MEI1: variants seen among roughly 807,000 people sequenced by gnomAD.
MEI1 encodes meiotic double-stranded break formation protein 1, also known as meiosis inhibitor protein 1.
A neutral mutation model predicts 146.2 loss-of-function variants in MEI1; 103 were observed. The observed-to-expected ratio is 0.70, with a 90% CI of 0.60 to 0.83. The LOEUF (loss-of-function observed/expected upper bound fraction) is 0.83. Among genes scored for constraint, MEI1 ranks in the 40% least tolerant of loss-of-function variants. The probability of loss-of-function intolerance (pLI) is 0.00; values close to 1 mark genes in which losing one functional copy is unlikely to be tolerated. For synonymous variants in MEI1, 652 were observed against 628.2 expected (o/e 1.04, Z -0.57); for missense variants, 1,529 against 1,533.0 (o/e 1.00, Z 0.04).
intron 3 of MEI1, among the ~76,000 whole-genome samples, chr22:41,708,678 A>G (rs1010490196): frequency 6.6e-6 from 1 of 152,222 alleles, no homozygotes; most frequent in Admixed American, 6.5e-5. Context: ...GCCGACCCTG[A>G]CTTTCAGGAA....
intron 26 of MEI1, among the ~76,000 whole-genome samples, chr22:41,793,547 A>G (rs139558): frequency 0.74 from 112,013 of 151,756 alleles, 41,856 homozygotes; most frequent in African/African-American, 0.84. Context: ...GGTGATCCAG[A>G]CGCTTTGGCC....
chr22:41,795,804 C>T lies in MEI1; in HGVS notation c.3736C>T (p.Pro1246Ser). Residue 1246 changes from proline (P) to serine (S), a missense_variant, in exon 30 of 31, where the codon CCC becomes TCC. This residue lies in a region of MEI1 where 313 missense variants were observed against 337.3 expected (regional missense o/e 0.93). Coordinates refer to ENST00000401548, the MANE Select transcript of MEI1 (RefSeq NM_152513.4). The surrounding 1 kb of genome is among the most constrained non-coding windows in gnomAD (Gnocchi z 4.2). ...QTLQASLEGL[P>S]PSTSSGQPPL... ...CCTGCAGGCCTCCTTGGAGGGCCTT[C>T]CCCCTAGCACCTCCTCAGGCCAGCC... 1 of 1,613,656 alleles carries T rather than the reference C, an allele frequency of 6.2e-7. No homozygotes were observed. Among genetic ancestry groups the T allele is most frequent in the South Asian group, 1.1e-5 (1 of 91,086 alleles).
At chr22:41,769,957 G>A (rs1210454721) in intron 19 of MEI1, among the ~76,000 whole-genome samples, 1 of 150,932 alleles carries the variant, frequency 6.6e-6, no homozygotes, top group Non-Finnish European at 1.5e-5. Context: ...CAACATGGAG[G>A]AACTCCGTCT....
chr22:41,749,174 C>G (rs1280760198), intron 15 of MEI1, among the ~76,000 whole-genome samples: 1 of 152,148 alleles, frequency 6.6e-6, no homozygotes, highest in Non-Finnish European at 1.5e-5. Context: ...TTATTCTTGT[C>G]ACATGGCATG....
chr22:41,749,039 C>T (rs1257135864), intron 15 of MEI1, among the ~76,000 whole-genome samples: 1 of 152,054 alleles, frequency 6.6e-6, no homozygotes, highest in Admixed American at 6.6e-5. Flanking sequence ...CTCCTGACCT[C>T]GTGATCTGCC....
chr22:41,717,718 C>T (rs377257617), intron 5 of MEI1, among the ~76,000 whole-genome samples: 1 of 149,954 alleles, frequency 6.7e-6, no homozygotes, highest in Non-Finnish European at 1.5e-5. Context: ...TGGGTTTCAG[C>T]GATTCTCCTG....
chr22:41,793,720 T>C (rs530613531), intron 26 of MEI1, 109 bp from the exon 27 acceptor site: 109 of 953,364 alleles, frequency 1.1e-4, no homozygotes, highest in African/African-American at 1.1e-3. Context: ...ATCCCAAATC[T>C]GAAATTCTGA....
chr22:41,727,210 C>A (rs764183931), intron 7 of MEI1, among the ~76,000 whole-genome samples: 1 of 152,082 alleles, frequency 6.6e-6, no homozygotes, highest in Non-Finnish European at 1.5e-5. Context: ...AGTCTCATGT[C>A]TACTTGGTCC....
chr22:41,706,171 A>G (rs1438004751), intron 3 of MEI1, among the ~76,000 whole-genome samples: 2 of 152,100 alleles, frequency 1.3e-5, no homozygotes, highest in African/African-American at 2.4e-5. Context: ...GGTGTGCACT[A>G]CCATGACTGG....
intron 2 of MEI1, 128 bp from the exon 3 acceptor site, chr22:41,705,376 T>C (rs2069010736): frequency 2.5e-6 from 2 of 797,408 alleles, no homozygotes; most frequent in Non-Finnish European, 4.4e-6. Context: ...TTCGCCATAT[T>C]GGTCAGGCTT....
At chr22:41,713,888 T>C in intron 3 of MEI1, 114 bp from the exon 4 acceptor site, 1 of 810,958 alleles carries the variant, frequency 1.2e-6, no homozygotes, top group South Asian at 1.6e-5. Flanking sequence ...AAAAGTATAA[T>C]ACCAATTAGC....
At chr22:41,783,372 A>G (rs1218675882) in intron 24 of MEI1, among the ~76,000 whole-genome samples, 2 of 149,966 alleles carry the variant, frequency 1.3e-5, no homozygotes, top group African/African-American at 2.5e-5. Flanking sequence ...GGCTCACCGC[A>G]ACCTCTGCCT....
At chr22:41,778,022 C>A (rs2075558151) in intron 21 of MEI1, among the ~76,000 whole-genome samples, 1 of 151,050 alleles carries the variant, frequency 6.6e-6, no homozygotes, top group Admixed American at 6.6e-5. Flanking sequence ...CTCCTCCTTT[C>A]TTCCTTCTCC....
At chr22:41,781,466 T>A in intron 23 of MEI1, 72 bp downstream of exon 23, 1 of 1,345,146 alleles carries the variant, frequency 7.4e-7, no homozygotes, top group Non-Finnish European at 1.0e-6. Flanking sequence ...AACTTTTTCA[T>A]CTTAAAAAAA....
chr22:41,725,306 G>T (rs1284907683), intron 7 of MEI1, among the ~76,000 whole-genome samples: 1 of 151,782 alleles, frequency 6.6e-6, no homozygotes, highest in Non-Finnish European at 1.5e-5. Flanking sequence ...AAGAGACGGG[G>T]CTTCACCATG....
intron 9 of MEI1, among the ~76,000 whole-genome samples, chr22:41,731,231 C>T (rs1601798245): frequency 6.6e-6 from 1 of 150,950 alleles, no homozygotes; most frequent in Admixed American, 6.6e-5. Context: ...TTTTTTGTAT[C>T]TTTAGTAGAG....
chr22:41,753,069 A>T (rs1223269925), intron 16 of MEI1, among the ~76,000 whole-genome samples: 1 of 149,920 alleles, frequency 6.7e-6, no homozygotes, highest in Non-Finnish European at 1.5e-5. Context: ...CCCAGGCTGG[A>T]GTGCAGTGGT....
intron 20 of MEI1, among the ~76,000 whole-genome samples, chr22:41,774,899 C>T (rs2075363423): frequency 6.6e-6 from 1 of 152,152 alleles, no homozygotes; most frequent in African/African-American, 2.4e-5. Context: ...TCCCTGTGAC[C>T]CCATCCCTCT....
chr22:41,712,672 A>ATGTGTGTGTGTGTGTGTGTG (rs140926503), intron 3 of MEI1, among the ~76,000 whole-genome samples: 21 of 147,002 alleles, frequency 1.4e-4, no homozygotes, highest in Admixed American at 4.8e-4. Context: ...ATAGAAATAG[A>ATGTGTGTGTGTGTGTGTGTG]TGTGTGTGTG....
Sources: gnomAD v4.1 joint callset for allele counts (sites outside exome capture counted in the v4.1 genomes callset) on GRCh38, gnomAD v4.1.1 for gene constraint, gnomAD v4.1.1 regional missense constraint, Gnocchi (gnomAD v3.1) non-coding constraint, MANE v1.5 for transcripts, NCBI Gene and HGNC (gene_info 2026-07-23, HGNC 2026-07-21) for gene names.